The following CHST9 variants were observed in gnomAD, a reference collection of about 807,000 sequenced individuals.
CHST9 encodes carbohydrate sulfotransferase 9.
Under a neutral mutation model 44.4 loss-of-function variants are expected in CHST9, and 41 were observed. The ratio of observed to expected loss-of-function variants is 0.92; its 90% CI spans 0.72 to 1.20. CHST9 has a LOEUF of 1.20. Among genes scored for constraint, CHST9 ranks in the 50% most tolerant of loss-of-function variants. CHST9 has a pLI of 0.00. For missense variants in CHST9, 504 were observed against 516.5 expected (o/e 0.98, Z 0.23); for synonymous variants, 171 against 178.4 (o/e 0.96, Z 0.33).
In CHST9 at chr18:26,995,010, C is replaced by T. The variant is rs537714898; in HGVS notation, c.202+29106G>A. Among the ~76,000 whole-genome samples, 4 of 152,198 alleles carry T rather than the reference C, an allele frequency of 2.6e-5. No homozygotes were observed. The South Asian group carries it at 8.3e-4, about 32-fold the overall frequency. On this transcript the variant is annotated intron_variant, in intron 4 of 5. Transcript: ENST00000618847. ...GGGTGCCTCTCTCTTTGAGTGCTCA[C>T]TTCTGGGGAAAGCCGGTGGACGTGT... is the stretch of plus-strand genomic sequence containing the variant.
intron 1 of CHST9, among the ~76,000 whole-genome samples, chr18:27,154,653 T>C (rs988856118): frequency 1.1e-4 from 17 of 152,118 alleles, no homozygotes; most frequent in African/African-American, 4.1e-4. Flanking sequence ...TTCTGTCCTT[T>C]GGTTTATATG....
At chr18:27,067,523 C>A (rs1249407844) in intron 2 of CHST9, among the ~76,000 whole-genome samples, 5 of 152,080 alleles carry the variant, frequency 3.3e-5, no homozygotes, top group African/African-American at 1.2e-4. Flanking sequence ...TAACTCAATT[C>A]TGTCAATTTT....
chr18:26,918,845 GC>G (rs1474267037), intron 5 of CHST9, among the ~76,000 whole-genome samples: 1 of 151,814 alleles, frequency 6.6e-6, no homozygotes, highest in Non-Finnish European at 1.5e-5. Flanking sequence ...AACGTGTACA[GC>G]CCCGTGTATA....
chr18:27,162,316 G>T lies in CHST9; in HGVS notation c.-96-19411C>A, dbSNP rs866877832. Reference sequence around the variant, plus strand: ...TAGGGCAAGCCTGGTGGTGAGGCAAGCTCTCAGCATTTGCTTGTCTGTAAA... The same window carrying T: ...TAGGGCAAGCCTGGTGGTGAGGCAATCTCTCAGCATTTGCTTGTCTGTAAA... On this transcript the variant is annotated intron_variant, in intron 1 of 5. Coordinates refer to ENST00000618847, the MANE Select transcript of CHST9 (RefSeq NM_031422.6). 7.3e-3 allele frequency among the ~76,000 whole-genome samples: 1,089 copies of T among 148,972 alleles called. 14 individuals are homozygous for T. Among genetic ancestry groups the T allele is most frequent in the African/African-American group, 0.025 (980 of 38,584 alleles).
intron 4 of CHST9, among the ~76,000 whole-genome samples, chr18:26,960,561 A>C (rs2056386223): frequency 6.6e-6 from 1 of 152,240 alleles, no homozygotes; most frequent in African/African-American, 2.4e-5. Flanking sequence ...TTTATCGGAG[A>C]ACAACAGAAT....
intron 3 of CHST9, among the ~76,000 whole-genome samples, chr18:27,045,285 T>C (rs1187789675): frequency 6.6e-6 from 1 of 152,092 alleles, no homozygotes; most frequent in Non-Finnish European, 1.5e-5. Context: ...TCCCCTAGTT[T>C]ATGTTAGTAA....
At chr18:27,016,902 C>A (rs1369932442) in intron 4 of CHST9, among the ~76,000 whole-genome samples, 1 of 152,130 alleles carries the variant, frequency 6.6e-6, no homozygotes, top group Non-Finnish European at 1.5e-5. Flanking sequence ...TGCCATCATC[C>A]TCTCACTGCA....
At chr18:27,024,238 C>G in intron 3 of CHST9, 81 bp from the exon 4 acceptor site, 1 of 1,066,896 alleles carries the variant, frequency 9.4e-7, no homozygotes, top group Non-Finnish European at 1.4e-6. Flanking sequence ...AAAGATGCCT[C>G]AAAGCCTCTC....
chr18:27,057,853 A>C (rs1296595657), intron 2 of CHST9, among the ~76,000 whole-genome samples: 1 of 152,260 alleles, frequency 6.6e-6, no homozygotes, highest in Non-Finnish European at 1.5e-5. Flanking sequence ...TAAAATCAGT[A>C]TGAGAAACAA....
At chr18:26,927,671 C>G (rs2055795711) in intron 5 of CHST9, among the ~76,000 whole-genome samples, 1 of 152,152 alleles carries the variant, frequency 6.6e-6, no homozygotes, top group African/African-American at 2.4e-5. Flanking sequence ...TTTCTCCTGT[C>G]TCAGTAGATG....
chr18:26,987,752 A>G (rs2056771011), intron 4 of CHST9, among the ~76,000 whole-genome samples: 1 of 152,178 alleles, frequency 6.6e-6, no homozygotes, highest in Admixed American at 6.5e-5. Flanking sequence ...TTATGAGAGC[A>G]GAGCCCTGAT....
In CHST9 at chr18:26,913,590, A is replaced by T. The variant is rs1281496750; in HGVS notation, c.*2669T>A. Reference sequence around the variant, plus strand: ...CCCATTGTGTTACTGCTGCCTATAAAAACAAATAGGATCCTTAGGGTTTAA... The same window carrying T: ...CCCATTGTGTTACTGCTGCCTATAATAACAAATAGGATCCTTAGGGTTTAA... On this transcript the variant is annotated 3_prime_UTR_variant, in exon 6 of 6. Transcript: ENST00000618847. 6.6e-6 allele frequency: 1 copy of T among 152,236 alleles called. No individual in the cohort carries two copies. The highest frequency in any genetic ancestry group is 2.4e-5 in the African/African-American group (1 of 41,464). 9.4% of individuals were successfully genotyped at this position (152,236 alleles called of 1,614,324 possible).
intron 1 of CHST9, among the ~76,000 whole-genome samples, chr18:27,148,331 T>G (rs2058631420): frequency 6.6e-6 from 1 of 151,862 alleles, no homozygotes; most frequent in Admixed American, 6.6e-5. Context: ...TATGTACACA[T>G]GTGCCATGTT....
chr18:26,969,023 G>A (rs1419806762), intron 4 of CHST9, among the ~76,000 whole-genome samples: 1 of 146,540 alleles, frequency 6.8e-6, no homozygotes, highest in Admixed American at 6.9e-5. Context: ...TTTTGAGATG[G>A]AGTCTCGCTC....
In CHST9 at chr18:26,907,684, A is replaced by G. The variant is rs1235597270; in HGVS notation, c.*8575T>C. ...TGTGAGCAAAATAGGGGAAAAAGCAAGAGGTGTTTTCAGAGAATGTAATGG... is the reference window on the plus strand; with the variant it reads ...TGTGAGCAAAATAGGGGAAAAAGCAGGAGGTGTTTTCAGAGAATGTAATGG... On this transcript the variant is annotated 3_prime_UTR_variant, in exon 6 of 6. Transcript: ENST00000618847. The G allele has an allele frequency of 1.3e-5, 2 of 152,952 alleles. No homozygotes were observed. Among genetic ancestry groups the G allele is most frequent in the African/African-American group, 4.8e-5 (2 of 41,468 alleles). 9.5% of individuals were successfully genotyped at this position (152,952 alleles called of 1,614,324 possible). A position where few individuals can be genotyped will look rare whatever the true frequency, so the allele number is the denominator to read the frequency against.
intron 4 of CHST9, among the ~76,000 whole-genome samples, chr18:27,022,285 T>C (rs2057235813): frequency 1.3e-5 from 2 of 152,038 alleles, no homozygotes; most frequent in Admixed American, 6.6e-5. Context: ...AGGCATAAAC[T>C]CTCTCAAATT....
At chr18:27,146,938 A>T (rs1479983050) in intron 1 of CHST9, among the ~76,000 whole-genome samples, 1 of 152,202 alleles carries the variant, frequency 6.6e-6, no homozygotes, top group East Asian at 1.9e-4. Context: ...TTTAAAAATT[A>T]TTTTTTTAAA....
intron 2 of CHST9, among the ~76,000 whole-genome samples, chr18:27,082,773 G>A (rs922439299): frequency 2.2e-4 from 34 of 152,216 alleles, no homozygotes; most frequent in African/African-American, 6.5e-4. Flanking sequence ...AGTATAAGAG[G>A]AACCCACTAA....
chr18:26,992,028 T>A (rs1160591151), intron 4 of CHST9, among the ~76,000 whole-genome samples: 1 of 127,334 alleles, frequency 7.9e-6, no homozygotes, highest in African/African-American at 2.7e-5. Context: ...GAAGGAATGA[T>A]CCAGCGAAAA....
Sources: gnomAD v4.1 joint callset for allele counts (sites outside exome capture counted in the v4.1 genomes callset) on GRCh38, gnomAD v4.1.1 for gene constraint, MANE v1.5 for transcripts, NCBI Gene and HGNC (gene_info 2026-07-23, HGNC 2026-07-21) for gene names.